The following BCKDHB variants were observed in gnomAD, a reference collection of about 807,000 sequenced individuals.
The protein encoded by BCKDHB is branched chain keto acid dehydrogenase E1 subunit beta.
Under a neutral mutation model 48.5 loss-of-function variants are expected in BCKDHB, and 41 were observed. The observed-to-expected ratio is 0.85, with a 90% confidence interval of 0.66 to 1.10. BCKDHB has a LOEUF of 1.10. Ranked by LOEUF, BCKDHB falls within the 50% of genes least tolerant of loss-of-function variation. The probability of loss-of-function intolerance (pLI) is 0.00; values close to 1 mark genes in which losing one functional copy is unlikely to be tolerated. For synonymous variants in BCKDHB, 201 were observed against 174.8 expected (o/e 1.15, Z -1.18); for missense variants, 496 against 494.2 (o/e 1.00, Z -0.03).
the BCKDHB span, among the ~76,000 whole-genome samples, chr6:80,434,367 A>C: frequency 6.6e-6 from 1 of 151,538 alleles, no homozygotes; most frequent in Non-Finnish European, 1.5e-5. Context: ...AATACTCTAC[A>C]AAGTAGAGTA....
At chr6:80,444,854 A>G in the BCKDHB span, among the ~76,000 whole-genome samples, 3 of 152,324 alleles carry the variant, frequency 2.0e-5, no homozygotes, top group East Asian at 5.8e-4. Context: ...TTTTTGTTTC[A>G]GAAATGTTAG....
At chr6:80,315,514 T>C (rs897458411) in intron 9 of BCKDHB, among the ~76,000 whole-genome samples, 1 of 152,148 alleles carries the variant, frequency 6.6e-6, no homozygotes, top group Non-Finnish European at 1.5e-5. Context: ...AGGTGCTGTA[T>C]TTACTCACCC....
chr6:80,311,606 A>G (rs1374156975), intron 9 of BCKDHB, among the ~76,000 whole-genome samples: 1 of 152,064 alleles, frequency 6.6e-6, no homozygotes, highest in Non-Finnish European at 1.5e-5. Context: ...ATTTTTGTAT[A>G]TTGTGTAAAG....
chr6:80,405,482 C>T, the BCKDHB span, among the ~76,000 whole-genome samples: 12 of 152,096 alleles, frequency 7.9e-5, no homozygotes, highest in East Asian at 1.9e-4. Flanking sequence ...TTTATTCATT[C>T]GGTCGCTATG....
At chr6:80,160,037 CT>C (rs1233479733) in intron 3 of BCKDHB, among the ~76,000 whole-genome samples, 4 of 152,220 alleles carry the variant, frequency 2.6e-5, no homozygotes, top group Non-Finnish European at 4.4e-5. Flanking sequence ...TGCAGATCTA[CT>C]TTGTTCATAG....
At chr6:80,260,692 T>C (rs1355499486) in intron 8 of BCKDHB, among the ~76,000 whole-genome samples, 2 of 152,214 alleles carry the variant, frequency 1.3e-5, no homozygotes, top group Non-Finnish European at 2.9e-5. Context: ...GGTGAAGATA[T>C]GGCTCAAATT....
At chr6:80,319,084 G>A (rs1177469439) in intron 9 of BCKDHB, among the ~76,000 whole-genome samples, 1 of 152,180 alleles carries the variant, frequency 6.6e-6, no homozygotes, top group Non-Finnish European at 1.5e-5. Flanking sequence ...GGCAGCTAGG[G>A]TTGAGCAGCA....
the BCKDHB span, among the ~76,000 whole-genome samples, chr6:80,407,958 T>G: frequency 6.6e-6 from 1 of 152,190 alleles, no homozygotes; most frequent in Non-Finnish European, 1.5e-5. Flanking sequence ...TGCTTCCAGT[T>G]TTTCCCATTC....
chr6:80,164,785 A>G (rs1772490968), intron 3 of BCKDHB, among the ~76,000 whole-genome samples: 1 of 152,122 alleles, frequency 6.6e-6, no homozygotes, highest in African/African-American at 2.4e-5. Flanking sequence ...TAGTGCAGTC[A>G]CTCATGTATT....
intron 9 of BCKDHB, among the ~76,000 whole-genome samples, chr6:80,329,269 A>G (rs901028347): frequency 2.6e-5 from 4 of 152,172 alleles, no homozygotes; most frequent in Non-Finnish European, 5.9e-5. Flanking sequence ...ACTGAATAAA[A>G]TAATTTTCAT....
At chr6:80,232,929 T>C (rs528432270) in intron 8 of BCKDHB, among the ~76,000 whole-genome samples, 41 of 152,136 alleles carry the variant, frequency 2.7e-4, no homozygotes, top group African/African-American at 9.9e-4. Flanking sequence ...CATGTCACTA[T>C]GTGAATGCAT....
intron 6 of BCKDHB, among the ~76,000 whole-genome samples, chr6:80,189,386 C>T (rs1016342486): frequency 1.3e-5 from 2 of 152,070 alleles, no homozygotes; most frequent in African/African-American, 4.8e-5. Context: ...AGTGTTTTCA[C>T]TTTTCTGTTT....
chr6:80,141,956 C>T (rs1355788836), intron 3 of BCKDHB, among the ~76,000 whole-genome samples: 1 of 151,974 alleles, frequency 6.6e-6, no homozygotes, highest in Non-Finnish European at 1.5e-5. Flanking sequence ...GGGAGGAACC[C>T]AGACATTTTT....
chr6:80,438,239 A>C, the BCKDHB span, among the ~76,000 whole-genome samples: 1 of 152,236 alleles, frequency 6.6e-6, no homozygotes, highest in Non-Finnish European at 1.5e-5. Context: ...ACTGTTCTGC[A>C]ACGTATTTTT....
intron 8 of BCKDHB, among the ~76,000 whole-genome samples, chr6:80,214,975 G>A (rs763434763): frequency 1.3e-5 from 2 of 152,134 alleles, no homozygotes; most frequent in African/African-American, 4.8e-5. Flanking sequence ...ATTGTTGAGA[G>A]TAGTTTATAT....
At chr6:80,451,174 A>G in the BCKDHB span, among the ~76,000 whole-genome samples, 2 of 152,220 alleles carry the variant, frequency 1.3e-5, no homozygotes, top group Non-Finnish European at 2.9e-5. Flanking sequence ...AGAATAAATC[A>G]TAGTAGGACC....
chr6:80,231,764 A>C (rs920509179), intron 8 of BCKDHB, among the ~76,000 whole-genome samples: 1 of 152,316 alleles, frequency 6.6e-6, no homozygotes, highest in Admixed American at 6.5e-5. Context: ...CAGGAGTTTG[A>C]GACCAGCCTG....
intron 7 of BCKDHB, among the ~76,000 whole-genome samples, chr6:80,202,826 A>T (rs776974045): frequency 1.9e-4 from 28 of 149,030 alleles, no homozygotes; most frequent in Non-Finnish European, 1.8e-4. Flanking sequence ...TATTTGTATG[A>T]CTTCATTTAC....
At chr6:80,118,119 A>G (rs576157224) in intron 1 of BCKDHB, among the ~76,000 whole-genome samples, 12 of 152,280 alleles carry the variant, frequency 7.9e-5, no homozygotes, top group African/African-American at 1.9e-4. Context: ...GGGCACCAAT[A>G]TATACTTGAA....
Sources: gnomAD v4.1 joint callset for allele counts (sites outside exome capture counted in the v4.1 genomes callset) on GRCh38, gnomAD v4.1.1 for gene constraint, MANE v1.5 for transcripts, NCBI Gene and HGNC (gene_info 2026-07-23, HGNC 2026-07-21) for gene names.